Variants in TFCP2 observed in about 807,000 individuals in gnomAD.
The protein encoded by TFCP2 is alpha-globin transcription factor CP2.
A neutral mutation model predicts 73.4 loss-of-function variants in TFCP2; 33 were observed. The ratio of observed to expected loss-of-function variants is 0.45; its 90% CI spans 0.34 to 0.60. The LOEUF is 0.60. Among genes scored for constraint, TFCP2 ranks in the 20% least tolerant of loss-of-function variants. The pLI, the probability that TFCP2 is intolerant of heterozygous loss-of-function variation, is 0.01. For synonymous variants in TFCP2, 193 were observed against 211.6 expected (o/e 0.91, Z 0.76); for missense variants, 352 against 604.0 (o/e 0.58, Z 4.37).
At chr12:51,126,454 C>T (rs192806118) in intron 1 of TFCP2, among the ~76,000 whole-genome samples, 17 of 152,070 alleles carry the variant, frequency 1.1e-4, no homozygotes, top group Admixed American at 4.6e-4. Flanking sequence ...CATGGTCCCC[C>T]GAGGTATAAA....
chr12:51,124,715 G>T (rs754956033), intron 1 of TFCP2: 2 of 683,476 alleles, frequency 2.9e-6, no homozygotes, highest in Admixed American at 3.7e-5. Context: ...CAATCAGCTC[G>T]GTTGCCTTGG....
chr12:51,131,258 C>A (rs1419426318), intron 1 of TFCP2, among the ~76,000 whole-genome samples: 1 of 149,944 alleles, frequency 6.7e-6, no homozygotes, highest in Non-Finnish European at 1.5e-5. Context: ...TGGTGTGAAC[C>A]CGGGAGGTGG....
intron 1 of TFCP2, among the ~76,000 whole-genome samples, chr12:51,150,822 T>C (rs1941406700): frequency 6.6e-6 from 1 of 152,238 alleles, no homozygotes; most frequent in South Asian, 2.1e-4. Context: ...AATTCATTCA[T>C]TCAACACATC....
At chr12:51,119,477 A>C (rs576353027) in intron 1 of TFCP2, among the ~76,000 whole-genome samples, 4 of 152,354 alleles carry the variant, frequency 2.6e-5, no homozygotes, top group African/African-American at 9.6e-5. Context: ...GCAGTCAGGC[A>C]CAGTGGCTCA....
At chr12:51,114,156 C>T (rs963424157) in intron 4 of TFCP2, among the ~76,000 whole-genome samples, 2 of 152,090 alleles carry the variant, frequency 1.3e-5, no homozygotes, top group African/African-American at 2.4e-5. Flanking sequence ...AAAAGCAACC[C>T]ACACAATAAC....
At position 51,095,229 on chromosome 12, in the gene TFCP2, A is replaced by C; in HGVS notation, c.*12T>G. The C allele has an allele frequency of 6.2e-7, 1 of 1,614,034 alleles. No homozygotes were observed. Among genetic ancestry groups the C allele is most frequent in the Non-Finnish European group, 8.5e-7 (1 of 1,179,972 alleles). On this transcript the variant is annotated 3_prime_UTR_variant, in exon 15 of 15. Coordinates refer to ENST00000257915, the MANE Select transcript of TFCP2 (RefSeq NM_005653.5). ...AGGAAGGAGCAGCCACTGGGCACGA[A>C]ACGCCGCACTCCTACTTCAGTATGA...
intron 4 of TFCP2, among the ~76,000 whole-genome samples, chr12:51,111,783 G>A (rs1940406564): frequency 6.6e-6 from 1 of 152,032 alleles, no homozygotes; most frequent in African/African-American, 2.4e-5. Context: ...GAACCTGGGA[G>A]GTGGAGGTTG....
chr12:51,157,721 C>G (rs1220224821), intron 1 of TFCP2, among the ~76,000 whole-genome samples: 4 of 121,596 alleles, frequency 3.3e-5, no homozygotes, highest in Non-Finnish European at 6.5e-5. Context: ...GAGTCTCGCT[C>G]TATTGCCCAG....
chr12:51,163,987 T>C (rs1428991398), intron 1 of TFCP2, among the ~76,000 whole-genome samples: 1 of 150,644 alleles, frequency 6.6e-6, no homozygotes, highest in Non-Finnish European at 1.5e-5. Context: ...GGAGGATCGC[T>C]TGAGGCCAGG....
At chr12:51,107,500 T>G (rs1279183578) in intron 6 of TFCP2, among the ~76,000 whole-genome samples, 154 bp from the exon 7 acceptor site, 1 of 152,192 alleles carries the variant, frequency 6.6e-6, no homozygotes, top group African/African-American at 2.4e-5. Flanking sequence ...AATAGGAAAT[T>G]TAAATGTTTA....
At chr12:51,158,956 G>A (rs1419065958) in intron 1 of TFCP2, among the ~76,000 whole-genome samples, 3 of 144,890 alleles carry the variant, frequency 2.1e-5, no homozygotes, top group African/African-American at 5.1e-5. Flanking sequence ...AAGGTCAGGA[G>A]TTCAAGACCA....
chr12:51,111,099 C>T (rs761463435), intron 4 of TFCP2, 116 bp from the exon 5 acceptor site: 1 of 687,724 alleles, frequency 1.5e-6, no homozygotes, highest in Non-Finnish European at 2.5e-6. Flanking sequence ...ATATCACATC[C>T]TAAATTTCTT....
intron 4 of TFCP2, among the ~76,000 whole-genome samples, chr12:51,112,954 G>A (rs1479131818): frequency 6.6e-6 from 1 of 152,022 alleles, no homozygotes; most frequent in Non-Finnish European, 1.5e-5. Flanking sequence ...ACTTAAAAGG[G>A]AAGCAAGAAT....
intron 1 of TFCP2, among the ~76,000 whole-genome samples, chr12:51,120,654 T>C (rs530190051): frequency 5.7e-4 from 86 of 152,072 alleles, no homozygotes; most frequent in Non-Finnish European, 1.2e-3. Flanking sequence ...GAGGGCTAGG[T>C]GTGGTGGCTC....
chr12:51,126,634 T>C (rs1266725390), intron 1 of TFCP2, among the ~76,000 whole-genome samples: 2 of 152,174 alleles, frequency 1.3e-5, no homozygotes, highest in African/African-American at 2.4e-5. Flanking sequence ...AGGCAGTAGA[T>C]AGCATCTAAG....
chr12:51,163,937 C>A (rs1443407058), intron 1 of TFCP2, among the ~76,000 whole-genome samples: 1 of 149,966 alleles, frequency 6.7e-6, no homozygotes, highest in Non-Finnish European at 1.5e-5. Flanking sequence ...AGGTGCAGTA[C>A]CTCACACCTG....
At chr12:51,130,243 G>A (rs1012027772) in intron 1 of TFCP2, among the ~76,000 whole-genome samples, 78 of 152,228 alleles carry the variant, frequency 5.1e-4, no homozygotes, top group Middle Eastern at 3.4e-3. Context: ...AGAACGAGGT[G>A]GGTGGATCAC....
intron 1 of TFCP2, chr12:51,125,170 T>C (rs1305132914): frequency 1.4e-6 from 1 of 707,568 alleles, no homozygotes. Context: ...AAATCTTTGC[T>C]ACCAGTGATG....
chr12:51,139,125 C>T (rs972497546), intron 1 of TFCP2, among the ~76,000 whole-genome samples: 6 of 152,182 alleles, frequency 3.9e-5, no homozygotes, highest in Non-Finnish European at 8.8e-5. Context: ...GTTTACTAAG[C>T]CTCAACCCTC....
Sources: gnomAD v4.1 joint callset for allele counts (sites outside exome capture counted in the v4.1 genomes callset) on GRCh38, gnomAD v4.1.1 for gene constraint, MANE v1.5 for transcripts, NCBI Gene and HGNC (gene_info 2026-07-23, HGNC 2026-07-21) for gene names.